The following C1orf185 variants were observed in gnomAD, a reference collection of about 807,000 sequenced individuals.
C1orf185 encodes the protein uncharacterized protein C1orf185.
C1orf185 carries 13 observed loss-of-function variants against 16.1 expected under a neutral mutation model. That is an observed-to-expected ratio of 0.81 (90% CI 0.53 to 1.28). The LOEUF is 1.28. Ranked by LOEUF, C1orf185 falls within the 50% of genes most tolerant of loss-of-function variation. C1orf185 has a pLI of 0.00. For synonymous variants in C1orf185, 80 were observed against 76.9 expected, an observed-to-expected ratio of 1.04 and a Z score of -0.21; for missense variants, 220 against 225.2, an observed-to-expected ratio of 0.98 and a Z score of 0.15.
chr1:51,124,550 A>G (rs941588254), intron 3 of C1orf185, among the ~76,000 whole-genome samples: 2 of 152,232 alleles, frequency 1.3e-5, no homozygotes, highest in Non-Finnish European at 2.9e-5. Flanking sequence ...ATTCATAGGC[A>G]GCACATCCAG....
At chr1:51,134,632 C>T (rs1646309456) in intron 3 of C1orf185, among the ~76,000 whole-genome samples, 1 of 152,064 alleles carries the variant, frequency 6.6e-6, no homozygotes, top group South Asian at 2.1e-4. Context: ...GGAAAAGAGA[C>T]TGTTCAAATA....
chr1:51,117,296 A>C (rs533001978), intron 2 of C1orf185, among the ~76,000 whole-genome samples: 26 of 152,240 alleles, frequency 1.7e-4, no homozygotes, highest in Non-Finnish European at 3.2e-4. Flanking sequence ...CTCTGAAAGA[A>C]GAAATGGCAA....
chr1:51,105,392 G>C (rs1175545228), intron 1 of C1orf185, among the ~76,000 whole-genome samples: 1 of 151,380 alleles, frequency 6.6e-6, no homozygotes, highest in African/African-American at 2.4e-5. Context: ...ATCTTCCTAT[G>C]TCTTTATTTT....
chr1:51,111,374 C>CTTTTTTTTTTTTT (rs11414730), intron 1 of C1orf185, among the ~76,000 whole-genome samples: 48 of 133,898 alleles, frequency 3.6e-4, no homozygotes, highest in African/African-American at 1.3e-3. Flanking sequence ...TTCTTTCTTT[C>CTTTTTTTTTTTTT]TTTTTTTTTT....
intron 3 of C1orf185, among the ~76,000 whole-genome samples, chr1:51,143,746 A>G (rs1335564400): frequency 2.6e-5 from 4 of 152,216 alleles, no homozygotes; most frequent in African/African-American, 9.6e-5. Flanking sequence ...CACTGCACGC[A>G]TGACTTTCTG....
At chr1:51,135,002 G>C (rs76307890) in intron 3 of C1orf185, among the ~76,000 whole-genome samples, 77 of 152,266 alleles carry the variant, frequency 5.1e-4, no homozygotes, top group African/African-American at 1.8e-3. Flanking sequence ...ATTCTATGAG[G>C]CCAGCATCAT....
At chr1:51,104,940 A>G (rs1243367186) in intron 1 of C1orf185, among the ~76,000 whole-genome samples, 2 of 151,828 alleles carry the variant, frequency 1.3e-5, no homozygotes, top group African/African-American at 4.8e-5. Flanking sequence ...TATGCTCCAT[A>G]ATCGTGTGTT....
At chr1:51,137,608 T>C (rs1428836286) in intron 3 of C1orf185, among the ~76,000 whole-genome samples, 1 of 151,940 alleles carries the variant, frequency 6.6e-6, no homozygotes, top group Non-Finnish European at 1.5e-5. Context: ...GTTATGGGAG[T>C]GTAAATTAGT....
chr1:51,141,457 C>T (rs114048172), intron 3 of C1orf185, among the ~76,000 whole-genome samples: 125 of 152,250 alleles, frequency 8.2e-4, no homozygotes, highest in African/African-American at 3.0e-3. Context: ...TGCACCACTG[C>T]ATTCCAGCCT....
At chr1:51,136,233 C>G (rs1285993034) in intron 3 of C1orf185, among the ~76,000 whole-genome samples, 1 of 151,704 alleles carries the variant, frequency 6.6e-6, no homozygotes, top group African/African-American at 2.4e-5. Flanking sequence ...CCATACTGCC[C>G]AAAACAATTT....
At chr1:51,138,753 T>A (rs1304206073) in intron 3 of C1orf185, among the ~76,000 whole-genome samples, 1 of 151,956 alleles carries the variant, frequency 6.6e-6, no homozygotes, top group Non-Finnish European at 1.5e-5. Context: ...AGTGGTGCAA[T>A]CTCAGCTCAC....
At chr1:51,103,457 C>T (rs1327795406) in intron 1 of C1orf185, among the ~76,000 whole-genome samples, 3 of 60,578 alleles carry the variant, frequency 5.0e-5, no homozygotes, top group African/African-American at 1.3e-4. Flanking sequence ...ACAAAAACCA[C>T]GAAACAAATA....
At chr1:51,150,815 T>C (rs967903098), downstream of C1orf185, among the ~76,000 whole-genome samples, 34 of 152,200 alleles carry the variant, frequency 2.2e-4, no homozygotes, top group African/African-American at 8.2e-4. Flanking sequence ...GGGCCTGCTG[T>C]TCCTGCAGGC....
intron 3 of C1orf185, among the ~76,000 whole-genome samples, chr1:51,140,646 A>G (rs191240918): frequency 1.3e-5 from 2 of 152,272 alleles, no homozygotes; most frequent in Non-Finnish European, 2.9e-5. Context: ...ATGAATGCAA[A>G]TTCTTTGGTA....
chr1:51,103,691 G>A (rs945414140), intron 1 of C1orf185, among the ~76,000 whole-genome samples: 6 of 151,926 alleles, frequency 3.9e-5, no homozygotes, highest in Admixed American at 1.3e-4. Flanking sequence ...CCACCATCAC[G>A]ACTGGTTAAT....
intron 3 of C1orf185, among the ~76,000 whole-genome samples, chr1:51,133,175 C>T (rs889352867): frequency 3.3e-5 from 5 of 152,166 alleles, no homozygotes; most frequent in African/African-American, 1.2e-4. Flanking sequence ...AACCAGCTAA[C>T]ATAATGATGA....
At position 51,117,005 on chromosome 1, in the gene C1orf185, C is replaced by A. The variant is rs1357058963; in HGVS notation, c.123-1661C>A. 2.6e-5 allele frequency among the ~76,000 whole-genome samples: 4 copies of A among 152,114 alleles called. No homozygotes were observed. In the East Asian group the frequency reaches 7.7e-4, roughly 29 times the overall value. ...GGTAGCTTTCCTTGACAGCAATTTC[C>A]ACTCTTGTAATTTTTCATTTTCTTG... On this transcript the variant is annotated intron_variant, in intron 2 of 4. Coordinates refer to ENST00000371759, the MANE Select transcript of C1orf185 (RefSeq NM_001136508.2).
At chr1:51,121,483 A>G (rs192070485) in intron 3 of C1orf185, among the ~76,000 whole-genome samples, 144 of 152,238 alleles carry the variant, frequency 9.5e-4, no homozygotes, top group Non-Finnish European at 1.6e-3. Flanking sequence ...AGGATCCTTG[A>G]TATTCAGTGA....
At chr1:51,132,888 G>A (rs1279462748) in intron 3 of C1orf185, among the ~76,000 whole-genome samples, 1 of 152,188 alleles carries the variant, frequency 6.6e-6, no homozygotes, top group Non-Finnish European at 1.5e-5. Flanking sequence ...CAAGCCAGAA[G>A]AGATTGGGGG....
Sources: gnomAD v4.1 joint callset for allele counts (sites outside exome capture counted in the v4.1 genomes callset) on GRCh38, gnomAD v4.1.1 for gene constraint, MANE v1.5 for transcripts, NCBI Gene and HGNC (gene_info 2026-07-23, HGNC 2026-07-21) for gene names.